Variants in UPF3A observed in about 807,000 individuals in gnomAD.
The protein encoded by UPF3A is UPF3A regulator of nonsense mediated mRNA decay, also known as regulator of nonsense transcripts 3A.
A neutral mutation model predicts 53.5 loss-of-function variants in UPF3A; 42 were observed. The ratio of observed to expected loss-of-function variants is 0.78; its 90% CI spans 0.61 to 1.01. UPF3A has a LOEUF of 1.01. UPF3A is among the 50% of genes least tolerant of loss of function. UPF3A has a pLI of 0.00. For missense variants in UPF3A, 575 were observed against 598.0 expected, an observed-to-expected ratio of 0.96 and a Z score of 0.40; for synonymous variants, 237 against 225.3, an observed-to-expected ratio of 1.05 and a Z score of -0.47.
chr13:114,295,724 T>C (rs961530409), intron 7 of UPF3A, among the ~76,000 whole-genome samples: 1 of 152,214 alleles, frequency 6.6e-6, no homozygotes, highest in Non-Finnish European at 1.5e-5. Context: ...TTGACCACCG[T>C]TGCCTCAGGT....
intron 3 of UPF3A, 121 bp downstream of exon 3, chr13:114,283,064 C>T: frequency 1.3e-6 from 1 of 798,022 alleles, no homozygotes; most frequent in Non-Finnish European, 1.9e-6. Context: ...GCTCTGTTGC[C>T]CAGGCTGGAG....
intron 9 of UPF3A, among the ~76,000 whole-genome samples, chr13:114,303,858 T>C (rs1374539225): frequency 1.3e-5 from 2 of 152,218 alleles, no homozygotes; most frequent in Non-Finnish European, 2.9e-5. Context: ...CTGCTGAGCC[T>C]GTTCCCACCC....
At chr13:114,298,438 G>T (rs2086265611) in intron 7 of UPF3A, among the ~76,000 whole-genome samples, 1 of 152,144 alleles carries the variant, frequency 6.6e-6, no homozygotes, top group Non-Finnish European at 1.5e-5. Context: ...TACTCAGGAG[G>T]TGGAGGCAGG....
chr13:114,282,252 T>G, intron 2 of UPF3A, 125 bp downstream of exon 2: 1 of 885,130 alleles, frequency 1.1e-6, no homozygotes, highest in South Asian at 1.8e-5. Context: ...GCTTTTTGAA[T>G]AAATACATTT....
At chr13:114,303,325 G>A (rs2086761835) in intron 9 of UPF3A, among the ~76,000 whole-genome samples, 1 of 152,128 alleles carries the variant, frequency 6.6e-6, no homozygotes, top group South Asian at 2.1e-4. Flanking sequence ...TGTTTCCCCC[G>A]ACCTGAGGTG....
At chr13:114,300,759 G>A (rs1306446128) in intron 8 of UPF3A, among the ~76,000 whole-genome samples, 1 of 151,980 alleles carries the variant, frequency 6.6e-6, no homozygotes, top group South Asian at 2.1e-4. Context: ...GGCTGGTCTC[G>A]AACTCCTGAT....
intron 5 of UPF3A, chr13:114,286,857 A>C (rs2084743835): frequency 1.9e-6 from 1 of 523,306 alleles, no homozygotes; most frequent in East Asian, 3.3e-5. Flanking sequence ...AGTTAAGATC[A>C]TTTTAAGTTA....
intron 5 of UPF3A, among the ~76,000 whole-genome samples, chr13:114,289,597 G>T (rs1193014558): frequency 6.6e-6 from 1 of 151,936 alleles, no homozygotes; most frequent in Non-Finnish European, 1.5e-5. Flanking sequence ...TTGGCCTCCA[G>T]TGGATTCTTC....
intron 8 of UPF3A, among the ~76,000 whole-genome samples, chr13:114,300,372 T>A (rs1285365290): frequency 6.6e-6 from 1 of 152,142 alleles, no homozygotes; most frequent in African/African-American, 2.4e-5. Context: ...TATTTTATTT[T>A]ATTTTAATTT....
intron 7 of UPF3A, among the ~76,000 whole-genome samples, chr13:114,298,430 C>T (rs2086264648): frequency 6.6e-6 from 1 of 151,636 alleles, no homozygotes; most frequent in Admixed American, 6.6e-5. Context: ...GTCCCAGCTA[C>T]TCAGGAGGTG....
At chr13:114,297,257 T>C (rs1229518576) in intron 7 of UPF3A, among the ~76,000 whole-genome samples, 1 of 151,338 alleles carries the variant, frequency 6.6e-6, no homozygotes, top group Non-Finnish European at 1.5e-5. Context: ...TCAAGTTAGC[T>C]GAGGTGCTTT....
chr13:114,296,530 T>G (rs1394228396), intron 7 of UPF3A, among the ~76,000 whole-genome samples: 1 of 152,192 alleles, frequency 6.6e-6, no homozygotes, highest in Non-Finnish European at 1.5e-5. Context: ...CTGGGTTGTA[T>G]CCTTTATGAT....
At chr13:114,295,928 G>A (rs1420868016) in intron 7 of UPF3A, among the ~76,000 whole-genome samples, 1 of 152,196 alleles carries the variant, frequency 6.6e-6, no homozygotes, top group Non-Finnish European at 1.5e-5. Context: ...GCAGCTTCAG[G>A]ATGGGGACTA....
intron 5 of UPF3A, among the ~76,000 whole-genome samples, chr13:114,290,982 G>A (rs564200216): frequency 6.6e-6 from 1 of 152,010 alleles, no homozygotes; most frequent in Admixed American, 6.6e-5. Flanking sequence ...TGATCTGCCC[G>A]CCTTGGCCTC....
chr13:114,298,348 G>T (rs892215107), intron 7 of UPF3A, among the ~76,000 whole-genome samples: 5 of 151,704 alleles, frequency 3.3e-5, no homozygotes, highest in Non-Finnish European at 5.9e-5. Flanking sequence ...ACTCCAGCCT[G>T]GGCAACAAGA....
chr13:114,281,617 T>A lies in UPF3A; in HGVS notation c.-23T>A, dbSNP rs1347825573. 3 of 1,406,826 alleles carry A rather than the reference T, an allele frequency of 2.1e-6. No homozygotes were observed. In the East Asian group the frequency reaches 8.8e-5, roughly 41 times the overall value. 87.1% of individuals were successfully genotyped at this position (1,406,826 alleles called of 1,614,324 possible). A position where few individuals can be genotyped will look rare whatever the true frequency, so the allele number is the denominator to read the frequency against. ...CGAGGTTTCGTCGGGGGCTGGCGGC[T>A]GCGGCTCGGCGGAGAGTGCGGCATG... On this transcript the variant is annotated 5_prime_UTR_variant, in exon 1 of 10. Transcript: ENST00000375299.
intron 7 of UPF3A, among the ~76,000 whole-genome samples, chr13:114,296,760 A>G (rs9525316): frequency 0.097 from 14,726 of 152,076 alleles, 840 homozygotes; most frequent in African/African-American, 0.16. Context: ...CAGGTCGATG[A>G]TCTCAGAGTT....
Position 114,282,136 on chromosome 13 carries a change from C to G in UPF3A, c.314+9C>G, listed in dbSNP as rs1399609023. The G allele has an allele frequency of 1.3e-6, 2 of 1,545,938 alleles. No homozygotes were observed. The highest frequency in any genetic ancestry group is 2.4e-5 in the South Asian group (2 of 84,050). On this transcript the variant is annotated intron_variant, in intron 2 of 9. Coordinates refer to ENST00000375299, the MANE Select transcript of UPF3A (RefSeq NM_023011.4). ...TTCGCCGCCGACCTGAGGTGAGGCC[C>G]GCCCCGAGGGGAGGAAGAGAGGGCG...
chr13:114,281,843 C>G lies in UPF3A; in HGVS notation c.204C>G (p.Ser68Arg). Residue 68 changes from serine (S) to arginine (R), a missense_variant, in exon 1 of 10, where the codon AGC becomes AGG. Physicochemically the swap from Ser to Arg is moderately radical, Grantham distance 110. Coordinates refer to ENST00000375299, the MANE Select transcript of UPF3A (RefSeq NM_023011.4). ...KPREEKRTAL[S>R]KVVIRRLPPG... Reference sequence around the variant, plus strand: ...GCGAGGAGAAGAGGACGGCCCTGAGCAAGGTGGGGACGGGGGCGGGGCGCG... The same window carrying G: ...GCGAGGAGAAGAGGACGGCCCTGAGGAAGGTGGGGACGGGGGCGGGGCGCG... The G allele has an allele frequency of 1.3e-6, 2 of 1,498,010 alleles. No individual in the cohort carries two copies. The highest frequency in any genetic ancestry group is 1.8e-6 in the Non-Finnish European group (2 of 1,116,862). The allele number at this position is 1,498,010 out of a possible 1,614,324, so 92.8% of individuals were successfully genotyped here.
Sources: gnomAD v4.1 joint callset for allele counts (sites outside exome capture counted in the v4.1 genomes callset) on GRCh38, gnomAD v4.1.1 for gene constraint, MANE v1.5 for transcripts, NCBI Gene and HGNC (gene_info 2026-07-23, HGNC 2026-07-21) for gene names.